CHRNA3: variants seen among roughly 807,000 people sequenced by gnomAD.
The protein encoded by CHRNA3 is neuronal acetylcholine receptor subunit alpha-3.
CHRNA3 carries 34 observed loss-of-function variants against 41.9 expected under a neutral mutation model. That is an observed-to-expected ratio of 0.81 (90% confidence interval 0.62 to 1.08). The LOEUF is 1.08. Ranked by LOEUF, CHRNA3 falls within the 50% of genes least tolerant of loss-of-function variation. CHRNA3 has a pLI of 0.00. For synonymous variants in CHRNA3, 281 were observed against 265.2 expected, an observed-to-expected ratio of 1.06 and a Z score of -0.58; for missense variants, 542 against 638.3, an observed-to-expected ratio of 0.85 and a Z score of 1.63.
In CHRNA3 at chr15:78,601,997, G is replaced by A. The variant is rs1051730; in HGVS notation, c.645C>T (p.Tyr215=). The change falls in exon 5 of 6, where the codon TAC becomes TAT. Residue 215 remains tyrosine, a synonymous_variant. Coordinates refer to ENST00000326828, the MANE Select transcript of CHRNA3 (RefSeq NM_000743.5). ...AGCAGTTGTACTTGATGTCGTGTTTGTAGCCTGGGGCTTTGATGATGGCCC... is the reference window on the plus strand; with the variant it reads ...AGCAGTTGTACTTGATGTCGTGTTTATAGCCTGGGGCTTTGATGATGGCCC... ...GEWAIIKAPG[Y]KHDIKYNCCE... 0.31 allele frequency: 492,425 copies of A among 1,613,104 alleles called. 80,492 individuals are homozygous for A. The highest frequency in any genetic ancestry group is 0.38 in the Middle Eastern group (2,294 of 6,062).
intron 5 of CHRNA3, among the ~76,000 whole-genome samples, chr15:78,600,845 G>A (rs947411748): frequency 2.6e-5 from 4 of 152,138 alleles, no homozygotes; most frequent in Admixed American, 6.5e-5. Flanking sequence ...TCCAGCCTGG[G>A]CAACAGAGCA....
chr15:78,601,194 A>G (rs1057464824), intron 5 of CHRNA3, 59 bp downstream of exon 5: 26 of 1,550,730 alleles, frequency 1.7e-5, no homozygotes, highest in Non-Finnish European at 2.1e-5. Context: ...CCCCACGAGG[A>G]ACCCATAAAT....
In CHRNA3 at chr15:78,610,790, G is replaced by C. The variant is rs1596079762; in HGVS notation, c.377+6234C>G. ...CAAAAAATTAATGAATCCAGGAGCT[G>C]GTTTTTTGAAAAGATCAACAAAATT... On this transcript the variant is annotated intron_variant, in intron 4 of 5. Coordinates refer to ENST00000326828, the MANE Select transcript of CHRNA3 (RefSeq NM_000743.5). Among the ~76,000 whole-genome samples the C allele has an allele frequency of 2.6e-5, 4 of 152,074 alleles. No homozygotes were observed. The East Asian group carries it at 7.7e-4, about 29-fold the overall frequency.
At chr15:78,614,221 C>T (rs1026880013) in intron 4 of CHRNA3, among the ~76,000 whole-genome samples, 2 of 152,150 alleles carry the variant, frequency 1.3e-5, no homozygotes, top group Non-Finnish European at 2.9e-5. Flanking sequence ...GGCTATAAAA[C>T]GCAAAACATG....
Position 78,595,416 on chromosome 15 carries a change from G to A in CHRNA3, c.*1188C>T, listed in dbSNP as rs2053087871. The A allele has an allele frequency of 2.0e-6, 2 of 985,136 alleles. No homozygotes were observed. Among genetic ancestry groups the A allele is most frequent in the Non-Finnish European group, 2.4e-6 (2 of 829,680 alleles). The allele number at this position is 985,136 out of a possible 1,614,324, so 61.0% of individuals were successfully genotyped here. A position where few individuals can be genotyped will look rare whatever the true frequency, so the allele number is the denominator to read the frequency against. On this transcript the variant is annotated 3_prime_UTR_variant, in exon 6 of 6. Coordinates refer to ENST00000326828, the MANE Select transcript of CHRNA3 (RefSeq NM_000743.5). ...GTGATGATCACGTTAAGTTTCAGAA[G>A]TGTAGTACATGATACTCTTAACAAT...
chr15:78,605,826 CGTG>C (rs1374903541), intron 4 of CHRNA3, among the ~76,000 whole-genome samples: 1 of 151,974 alleles, frequency 6.6e-6, no homozygotes, highest in Non-Finnish European at 1.5e-5. Context: ...GGCAGCAGCT[CGTG>C]GAGATGCCAT....
downstream of CHRNA3, chr15:78,593,237 G>A (rs751038368): frequency 5.6e-6 from 9 of 1,609,694 alleles, no homozygotes; most frequent in Non-Finnish European, 7.6e-6. Context: ...GTTCATATTG[G>A]AAATGCAAAT....
At chr15:78,593,293 C>T (rs372674046), downstream of CHRNA3, 103 of 1,523,854 alleles carry the variant, frequency 6.8e-5, no homozygotes, top group South Asian at 2.8e-4. Flanking sequence ...AGTTAACACA[C>T]ATATATCTGA....
At chr15:78,616,049 TG>T (rs2141343601) in intron 4 of CHRNA3, among the ~76,000 whole-genome samples, 1 of 142,752 alleles carries the variant, frequency 7.0e-6, no homozygotes, top group East Asian at 2.4e-4. Context: ...GCCAAACACC[TG>T]TATTTTTAAA....
intron 4 of CHRNA3, among the ~76,000 whole-genome samples, chr15:78,605,791 T>C (rs1178342158): frequency 6.6e-6 from 1 of 151,966 alleles, no homozygotes; most frequent in Non-Finnish European, 1.5e-5. Flanking sequence ...GAAAGAAGGT[T>C]CAGAAACTGA....
rs772277145 is a variant in CHRNA3 at position 78,617,013 on chromosome 15, C to CA, written c.377+10dup. The CA allele has an allele frequency of 1.1e-5, 18 of 1,601,260 alleles. No homozygotes were observed. Among genetic ancestry groups the CA allele is most frequent in the Non-Finnish European group, 1.5e-5 (17 of 1,170,516 alleles). On this transcript the variant is annotated intron_variant, in intron 4 of 5. Transcript: ENST00000326828. ...CAGCCCTGAGAGGGCGTGGGCCCCC[C>CA]AGCACCTTACTTGTTATACAGCACA...
chr15:78,596,539 C>T lies in CHRNA3; in HGVS notation c.*65G>A. ...CTTGATAACAGAAAGTACGTTCTTACTAGGAAGCAGCCTCCTCCTGCCCTG... is the reference window on the plus strand; with the variant it reads ...CTTGATAACAGAAAGTACGTTCTTATTAGGAAGCAGCCTCCTCCTGCCCTG... On this transcript the variant is annotated 3_prime_UTR_variant, in exon 6 of 6. Transcript: ENST00000326828. 1 of 1,377,072 alleles carries T rather than the reference C, an allele frequency of 7.3e-7. No individual in the cohort carries two copies. The highest frequency in any genetic ancestry group is 2.7e-5 in the East Asian group (1 of 37,192). 85.3% of individuals were successfully genotyped at this position (1,377,072 alleles called of 1,614,324 possible). A position where few individuals can be genotyped will look rare whatever the true frequency, so the allele number is the denominator to read the frequency against.
intron 4 of CHRNA3, among the ~76,000 whole-genome samples, chr15:78,615,771 TCTCA>T (rs2053452208): frequency 7.5e-6 from 1 of 134,082 alleles, no homozygotes; most frequent in African/African-American, 2.9e-5. Flanking sequence ...TGAGACGGAG[TCTCA>T]CTGTCACCCA....
Position 78,610,897 on chromosome 15 carries a change from C to T in CHRNA3, c.377+6127G>A, listed in dbSNP as rs1215957309. On this transcript the variant is annotated intron_variant, in intron 4 of 5. Transcript: ENST00000326828. ...AAATTGATAAAGGGGATATCACCAC[C>T]GATCCCACAGAAATACAAATTACCA... Among the ~76,000 whole-genome samples, 57 of 152,216 alleles carry T rather than the reference C, an allele frequency of 3.7e-4. No individual in the cohort carries two copies. The East Asian group carries it at 6.9e-3, about 19-fold the overall frequency.
intron 1 of CHRNA3, chr15:78,620,400 C>CGG: frequency 1.3e-5 from 3 of 225,542 alleles, no homozygotes; most frequent in Non-Finnish European, 2.6e-5. Context: ...AGCGCGGGGA[C>CGG]GCGAATCCCC....
chr15:78,594,962 G>T (rs542693417), downstream of CHRNA3: 1 of 152,274 alleles, frequency 6.6e-6, no homozygotes, highest in East Asian at 1.9e-4. Flanking sequence ...GTGTGACCAG[G>T]TAGCAAACAC....
chr15:78,619,041 A>G, intron 1 of CHRNA3, 126 bp from the exon 2 acceptor site: 1 of 1,138,624 alleles, frequency 8.8e-7, no homozygotes, highest in African/African-American at 1.5e-5. Flanking sequence ...GGAACCCTAG[A>G]CTTTCAGGCC....
At chr15:78,615,393 C>T (rs1363969223) in intron 4 of CHRNA3, among the ~76,000 whole-genome samples, 9 of 152,176 alleles carry the variant, frequency 5.9e-5, no homozygotes, top group Non-Finnish European at 8.8e-5. Context: ...ATCACAGCAT[C>T]GGCCTCCTGC....
chr15:78,617,215 G>A lies in CHRNA3; in HGVS notation c.268-82C>T, dbSNP rs41280050. ...ACTTCCCGTGGCACCACCCATCTTG[G>A]TGACTCCCCACCCCTGCTGCATGTG... On this transcript the variant is annotated intron_variant, in intron 3 of 5. Transcript: ENST00000326828. 5,009 of 836,944 alleles carry A rather than the reference G, an allele frequency of 6.0e-3. 33 individuals carry two copies. Among genetic ancestry groups the A allele is most frequent in the Non-Finnish European group, 7.2e-3 (3,637 of 507,228 alleles). 51.8% of individuals were successfully genotyped at this position (836,944 alleles called of 1,614,324 possible). A position where few individuals can be genotyped will look rare whatever the true frequency, so the allele number is the denominator to read the frequency against.
Sources: gnomAD v4.1 joint callset for allele counts (sites outside exome capture counted in the v4.1 genomes callset) on GRCh38, gnomAD v4.1.1 for gene constraint, MANE v1.5 for transcripts, NCBI Gene and HGNC (gene_info 2026-07-23, HGNC 2026-07-21) for gene names.